The following STPG2 variants were observed in gnomAD, a reference collection of about 807,000 sequenced individuals.
The protein encoded by STPG2 is sperm-tail PG-rich repeat-containing protein 2.
Under a neutral mutation model 54.2 loss-of-function variants are expected in STPG2, and 56 were observed. The ratio of observed to expected loss-of-function variants is 1.03; its 90% CI spans 0.83 to 1.29. The LOEUF is 1.29. STPG2 is among the 50% of genes most tolerant of loss of function. The pLI is 0.00. For missense variants in STPG2, 596 were observed against 544.9 expected, an observed-to-expected ratio of 1.09 and a Z score of -0.93; for synonymous variants, 200 against 181.8, an observed-to-expected ratio of 1.10 and a Z score of -0.81.
rs543722569 is a variant in STPG2, at chr4:97,734,474, G to A, written c.1205-21660C>T. On this transcript the variant is annotated intron_variant, in intron 9 of 10. Transcript: ENST00000295268. ...GTGGTGTTCCCCTCTATGTGTCCATGTGTTCTCATCATTTAGCTCCCACTT... is the reference window on the plus strand; with the variant it reads ...GTGGTGTTCCCCTCTATGTGTCCATATGTTCTCATCATTTAGCTCCCACTT... 8.0e-4 allele frequency among the ~76,000 whole-genome samples: 122 copies of A among 152,134 alleles called. 1 individual carries two copies. The highest frequency in any genetic ancestry group is 2.9e-3 in the African/African-American group (120 of 41,500).
At chr4:97,451,207 G>C (rs541826889) in intron 4 of STPG2, among the ~76,000 whole-genome samples, 15 of 152,178 alleles carry the variant, frequency 9.9e-5, no homozygotes, top group Non-Finnish European at 2.2e-4. Context: ...AGAGTGGTAT[G>C]TTAGGAAAGC....
intron 9 of STPG2, among the ~76,000 whole-genome samples, chr4:97,813,382 T>C (rs568262534): frequency 5.9e-5 from 9 of 152,228 alleles, no homozygotes; most frequent in South Asian, 2.1e-4. Context: ...CCAAATCTGA[T>C]ACTTTTTTAA....
intron 3 of STPG2, among the ~76,000 whole-genome samples, chr4:98,112,485 A>G (rs1739392397): frequency 1.3e-5 from 2 of 152,136 alleles, no homozygotes; most frequent in Admixed American, 6.6e-5. Flanking sequence ...TATCCCTATC[A>G]TTGATTGACA....
intron 10 of STPG2, among the ~76,000 whole-genome samples, chr4:97,664,339 C>A (rs1722459478): frequency 6.6e-6 from 1 of 152,186 alleles, no homozygotes; most frequent in South Asian, 2.1e-4. Context: ...TGCTCTTAAC[C>A]ACTAAGCATA....
intron 9 of STPG2, among the ~76,000 whole-genome samples, chr4:97,752,708 T>A (rs1725614646): frequency 6.6e-6 from 1 of 151,912 alleles, no homozygotes; most frequent in Admixed American, 6.6e-5. Context: ...TGGAATATAG[T>A]ATGCTAATTA....
chr4:97,811,173 A>G (rs2149097107), intron 9 of STPG2, among the ~76,000 whole-genome samples: 1 of 152,224 alleles, frequency 6.6e-6, no homozygotes, highest in East Asian at 1.9e-4. Flanking sequence ...AAAAAGGCTT[A>G]ACAATTTAGG....
chr4:97,590,023 G>A (rs1165283780), intron 10 of STPG2, among the ~76,000 whole-genome samples: 2 of 152,114 alleles, frequency 1.3e-5, no homozygotes, highest in African/African-American at 2.4e-5. Flanking sequence ...ATTAAGTGAT[G>A]AAACTTTATT....
At chr4:97,526,994 G>T (rs916135024) in intron 4 of STPG2, among the ~76,000 whole-genome samples, 3 of 150,396 alleles carry the variant, frequency 2.0e-5, no homozygotes, top group Non-Finnish European at 4.4e-5. Context: ...AATAGATGCT[G>T]CCAAAGCTTT....
rs371773910 is a variant in STPG2, at chr4:97,640,688, TGAA to T, written c.1320+72008_1320+72010del. Among the ~76,000 whole-genome samples the T allele has an allele frequency of 5.0e-3, 751 of 151,078 alleles. 10 individuals are homozygous for T. Among genetic ancestry groups the T allele is most frequent in the African/African-American group, 0.017 (703 of 41,298 alleles). On this transcript the variant is annotated intron_variant, in intron 10 of 10. Coordinates refer to ENST00000295268, the MANE Select transcript of STPG2 (RefSeq NM_174952.3). The stretch of plus-strand genomic sequence containing the variant: ...AAAATATTCAAAAGGTAAAAGAACA[TGAA>T]GAAGTAAATATAAACAAAAAATTTA...
chr4:97,735,049 G>C (rs78734813), intron 9 of STPG2, among the ~76,000 whole-genome samples: 5 of 149,080 alleles, frequency 3.4e-5, no homozygotes, highest in Admixed American at 2.0e-4. Context: ...CTACAGCCTG[G>C]GCAAGAGAGC....
chr4:98,038,509 G>A (rs565636268), intron 5 of STPG2, among the ~76,000 whole-genome samples: 5 of 151,818 alleles, frequency 3.3e-5, no homozygotes, highest in African/African-American at 1.2e-4. Context: ...GCATATTTTG[G>A]TAACTGCTTT....
chr4:97,528,205 G>GT (rs1731327116), intron 4 of STPG2, among the ~76,000 whole-genome samples: 2 of 152,094 alleles, frequency 1.3e-5, no homozygotes, highest in African/African-American at 4.8e-5. Flanking sequence ...TCCAGTTTCA[G>GT]TTTTTTGCAT....
intron 5 of STPG2, among the ~76,000 whole-genome samples, chr4:97,992,860 G>C (rs1035262898): frequency 6.6e-6 from 1 of 151,994 alleles, no homozygotes; most frequent in Non-Finnish European, 1.5e-5. Flanking sequence ...TAAAAGGGTT[G>C]AGTCTTGATT....
At chr4:97,906,215 C>T (rs1731411573) in intron 8 of STPG2, among the ~76,000 whole-genome samples, 1 of 152,186 alleles carries the variant, frequency 6.6e-6, no homozygotes, top group South Asian at 2.1e-4. Flanking sequence ...ATACAAACTA[C>T]TATCAGAGAA....
rs1183578196 is a variant in STPG2, at chr4:97,614,306, T to A, written c.1321-55189A>T. On this transcript the variant is annotated intron_variant, in intron 10 of 10. Coordinates refer to ENST00000295268, the MANE Select transcript of STPG2 (RefSeq NM_174952.3). The stretch of plus-strand genomic sequence containing the variant: ...ATGTGCCCTCTAAAGAGATTTTTTT[T>A]TTTTTTAAGATTAGGAAACAAAAAG... 2.0e-5 allele frequency among the ~76,000 whole-genome samples: 3 copies of A among 152,086 alleles called. No individual in the cohort carries two copies. The East Asian group carries it at 5.8e-4, about 30-fold the overall frequency.
intron 7 of STPG2, among the ~76,000 whole-genome samples, chr4:97,964,569 T>A (rs572099388): frequency 1.3e-5 from 2 of 152,126 alleles, no homozygotes; most frequent in Non-Finnish European, 2.9e-5. Context: ...ATTAAAAACC[T>A]GAAAAAACTA....
chr4:97,903,892 G>C (rs888587305), intron 8 of STPG2, among the ~76,000 whole-genome samples: 1 of 152,174 alleles, frequency 6.6e-6, no homozygotes, highest in Non-Finnish European at 1.5e-5. Flanking sequence ...CTTTTCCAAC[G>C]GGCTTAAAAA....
chr4:98,037,077 C>G (rs2149304390), intron 5 of STPG2, among the ~76,000 whole-genome samples: 2 of 151,934 alleles, frequency 1.3e-5, no homozygotes, highest in South Asian at 4.2e-4. Flanking sequence ...AACACCCAGG[C>G]CCAGGTAGTT....
chr4:97,945,108 TG>T (rs1162814828), intron 7 of STPG2, among the ~76,000 whole-genome samples: 1 of 152,156 alleles, frequency 6.6e-6, no homozygotes, highest in African/African-American at 2.4e-5. Flanking sequence ...TTTCCTTACA[TG>T]GATGTATAGT....
Sources: allele counts gnomAD v4.1 joint callset (sites outside exome capture counted in the v4.1 genomes callset), GRCh38; gene constraint gnomAD v4.1.1; transcripts MANE v1.5; gene names NCBI Gene and HGNC (gene_info 2026-07-23, HGNC 2026-07-21).